NAV1: variants seen among roughly 807,000 people sequenced by gnomAD.
NAV1 encodes neuron navigator 1, also known as pore membrane and/or filament interacting like protein 3.
NAV1 carries 18 observed loss-of-function variants against 175.2 expected under a neutral mutation model. The observed-to-expected ratio is 0.10, with a 90% CI of 0.07 to 0.15. The LOEUF is 0.15. Ranked by LOEUF, NAV1 falls within the 10% of genes least tolerant of loss-of-function variation. NAV1 has a pLI of 1.00. For synonymous variants in NAV1, 897 were observed against 978.7 expected (o/e 0.92, Z 1.56); for missense variants, 1,731 against 2,436.6 (o/e 0.71, Z 6.10).
chr1:201,583,993 C>A (rs1183759789), intron 1 of NAV1, among the ~76,000 whole-genome samples: 1 of 152,230 alleles, frequency 6.6e-6, no homozygotes, highest in Admixed American at 6.5e-5. Context: ...AAGAATCCAA[C>A]TGGATCATCT....
chr1:201,558,217 G>A (rs61819719), intron 1 of NAV1, among the ~76,000 whole-genome samples: 2 of 152,292 alleles, frequency 1.3e-5, no homozygotes, highest in East Asian at 1.9e-4. Flanking sequence ...GGAATCACAG[G>A]AGAATGGTCA....
At chr1:201,791,973 T>TGG (rs1301545299) in intron 13 of NAV1, 1 of 152,022 alleles carries the variant, frequency 6.6e-6, no homozygotes, top group African/African-American at 2.4e-5. Context: ...TGGGAGATGC[T>TGG]GGGGGGGAGA....
At chr1:201,561,404 G>A (rs1478999552) in intron 1 of NAV1, among the ~76,000 whole-genome samples, 1 of 152,222 alleles carries the variant, frequency 6.6e-6, no homozygotes. Context: ...TGTGGGAGCT[G>A]CACAGATCTG....
chr1:201,686,022 T>G (rs1670670847), intron 1 of NAV1, among the ~76,000 whole-genome samples: 1 of 152,204 alleles, frequency 6.6e-6, no homozygotes, highest in African/African-American at 2.4e-5. Context: ...CAGATCAACA[T>G]GACAAGATGT....
At chr1:201,749,640 A>G (rs1673981777) in intron 3 of NAV1, among the ~76,000 whole-genome samples, 1 of 152,236 alleles carries the variant, frequency 6.6e-6, no homozygotes, top group Non-Finnish European at 1.5e-5. Context: ...ATGAAATATG[A>G]GCATAAAAAG....
intron 3 of NAV1, among the ~76,000 whole-genome samples, chr1:201,734,499 GAGAAGA>G (rs60196611): frequency 4.4e-4 from 53 of 121,146 alleles, no homozygotes; most frequent in African/African-American, 1.2e-3. Context: ...GAAGGAGAAG[GAGAAGA>G]AGAAGAAGAA....
chr1:201,768,797 A>G (rs1228850737), intron 3 of NAV1, among the ~76,000 whole-genome samples: 1 of 152,214 alleles, frequency 6.6e-6, no homozygotes, highest in East Asian at 1.9e-4. Flanking sequence ...AAGATTGGCA[A>G]TTTCACGTGG....
chr1:201,662,620 CA>C (rs1669657392), intron 1 of NAV1, among the ~76,000 whole-genome samples: 1 of 152,212 alleles, frequency 6.6e-6, no homozygotes, highest in Non-Finnish European at 1.5e-5. Context: ...GTACCCACAG[CA>C]GGGGGGGTAA....
intron 1 of NAV1, among the ~76,000 whole-genome samples, chr1:201,705,453 G>A (rs1455175094): frequency 8.5e-5 from 13 of 152,150 alleles, no homozygotes; most frequent in South Asian, 6.2e-4. Flanking sequence ...GCCATTGAGC[G>A]CTGGGCTCCA....
Position 201,629,203 on chromosome 1 carries a change from C to T in NAV1, c.-100-201C>T, listed in dbSNP as rs146358735. 3.0e-3 allele frequency among the ~76,000 whole-genome samples: 455 copies of T among 152,282 alleles called. 1 individual carries two copies. Among genetic ancestry groups the T allele is most frequent in the African/African-American group, 9.8e-3 (407 of 41,552 alleles). On this transcript the variant is annotated intron_variant, in intron 1 of 29. Transcript: ENST00000367302. ...GTATCCTCTGGGGCTCCCTGCCTGG[C>T]GCAGCTTTGCACAGAAGGCCTGCTG...
chr1:201,561,212 T>C (rs773104769), intron 1 of NAV1, among the ~76,000 whole-genome samples: 4 of 152,202 alleles, frequency 2.6e-5, no homozygotes, highest in Non-Finnish European at 5.9e-5. Context: ...CAGTCCCTCT[T>C]GCTGCTGGGA....
intron 1 of NAV1, among the ~76,000 whole-genome samples, chr1:201,651,121 C>CGGTGTG (rs1558038098): frequency 1.0e-3 from 37 of 35,760 alleles, no homozygotes; most frequent in African/African-American, 2.6e-3. Flanking sequence ...GAGGAAGGGA[C>CGGTGTG]CGTGTGTGTG....
At chr1:201,615,634 T>C (rs1317176313) in intron 2 of NAV1, among the ~76,000 whole-genome samples, 1 of 152,212 alleles carries the variant, frequency 6.6e-6, no homozygotes, top group East Asian at 1.9e-4. Context: ...TACTCTTTCA[T>C]TGCTTCTTTA....
At chr1:201,811,552 G>A (rs375965755) in intron 24 of NAV1, 51 bp from the exon 29 acceptor site, 21 of 1,610,154 alleles carry the variant, frequency 1.3e-5, no homozygotes, top group East Asian at 1.1e-4. Flanking sequence ...TTCCAAGGCC[G>A]ATCCAGCTGC....
chr1:201,820,088 G>A, exon 30 of NAV1: 2 of 691,658 alleles, frequency 2.9e-6, no homozygotes, highest in Admixed American at 2.9e-5. Flanking sequence ...CAGGTTCTTG[G>A]TGCTGTACCT....
intron 2 of NAV1, among the ~76,000 whole-genome samples, chr1:201,633,663 C>T (rs1668537979): frequency 6.6e-6 from 1 of 152,248 alleles, no homozygotes; most frequent in African/African-American, 2.4e-5. Flanking sequence ...TCACTCCAAA[C>T]CTATGTCATT....
At chr1:201,651,819 C>T (rs1669217140) in intron 1 of NAV1, among the ~76,000 whole-genome samples, 2 of 152,068 alleles carry the variant, frequency 1.3e-5, no homozygotes, top group Non-Finnish European at 2.9e-5. Context: ...AGGGTGGAAA[C>T]TCCCAAATCT....
rs565853238 is a variant in NAV1 at position 201,788,393 on chromosome 1, C to G, written c.2996-75C>G. On this transcript the variant is annotated intron_variant, in intron 9 of 29. Coordinates refer to ENST00000367296, the Ensembl canonical transcript of NAV1. The surrounding 1 kb of genome is among the most constrained non-coding windows in gnomAD (Gnocchi z 5.7). ...CCCGGTGCTCCATCCCCCAAGGGCCCGGAGAGCTGATGACCCTGCCTCTTT... is the reference window on the plus strand; with the variant it reads ...CCCGGTGCTCCATCCCCCAAGGGCCGGGAGAGCTGATGACCCTGCCTCTTT... 16 of 1,521,028 alleles carry G rather than the reference C, an allele frequency of 1.1e-5. No individual in the cohort carries two copies. The highest frequency in any genetic ancestry group is 1.0e-4 in the South Asian group (9 of 88,532). The allele number at this position is 1,521,028 out of a possible 1,614,324, so 94.2% of individuals were successfully genotyped here. A position where few individuals can be genotyped will look rare whatever the true frequency, so the allele number is the denominator to read the frequency against.
Position 201,788,172 on chromosome 1 carries a change from G to A in NAV1, c.2996-296G>A, listed in dbSNP as rs1442640418. 6.6e-6 allele frequency among the ~76,000 whole-genome samples: 1 copy of A among 152,106 alleles called. No homozygotes were observed. The highest frequency in any genetic ancestry group is 1.9e-4 in the East Asian group (1 of 5,188). On this transcript the variant is annotated intron_variant, in intron 9 of 29. Coordinates refer to ENST00000367296, the Ensembl canonical transcript of NAV1. The surrounding 1 kb of genome is among the most constrained non-coding windows in gnomAD (Gnocchi z 5.7). ...TCTCAGAAAAGCTGCCAGGCCCCCA[G>A]CCTAACCTTCAAAAGCAACAACTCT...
Sources: allele counts gnomAD v4.1 joint callset (sites outside exome capture counted in the v4.1 genomes callset), GRCh38; gene constraint gnomAD v4.1.1; non-coding constraint Gnocchi (gnomAD v3.1); transcripts MANE v1.5; gene names NCBI Gene and HGNC (gene_info 2026-07-23, HGNC 2026-07-21).